The following ZZEF1 variants were observed in gnomAD, a reference collection of about 807,000 sequenced individuals.
ZZEF1 encodes zinc finger ZZ-type and EF-hand domain-containing protein 1.
In ZZEF1, 157 loss-of-function variants were observed where a neutral mutation model predicts 342.8. The observed-to-expected ratio is 0.46, with a 90% CI of 0.40 to 0.52. The LOEUF is 0.52. Ranked by LOEUF, ZZEF1 falls within the 20% of genes least tolerant of loss-of-function variation. ZZEF1 has a pLI of 0.00. For missense variants in ZZEF1, 3,480 were observed against 3,725.6 expected (o/e 0.93, Z 1.72); for synonymous variants, 1,505 against 1,429.1 (o/e 1.05, Z -1.20).
chr17:4,127,267 G>A (rs996363164), intron 1 of ZZEF1, among the ~76,000 whole-genome samples: 3 of 152,134 alleles, frequency 2.0e-5, no homozygotes, highest in Non-Finnish European at 2.9e-5. Context: ...GCCTCCCAAA[G>A]AGTTGAGATT....
At chr17:4,075,061 C>A in intron 23 of ZZEF1, 36 bp downstream of exon 23, 1 of 1,607,012 alleles carries the variant, frequency 6.2e-7, no homozygotes. Flanking sequence ...AGCATTGGTG[C>A]AGAAGTAGGT....
chr17:4,042,901 C>T (rs190382108), intron 38 of ZZEF1, among the ~76,000 whole-genome samples: 91 of 152,278 alleles, frequency 6.0e-4, no homozygotes, highest in Middle Eastern at 3.4e-3. Flanking sequence ...AGGCTGGTCT[C>T]GAACTCTTGA....
Position 4,085,656 on chromosome 17 carries a change from T to C in ZZEF1, c.2646+14A>G. On this transcript the variant is annotated intron_variant, in intron 16 of 54. Transcript: ENST00000381638. Reference sequence around the variant, plus strand: ...GACTTCAGACATTGAATCCAGACTTTTAGTAATAATTACCATCATGGTGAA... The same window carrying C: ...GACTTCAGACATTGAATCCAGACTTCTAGTAATAATTACCATCATGGTGAA... The C allele has an allele frequency of 1.2e-6, 2 of 1,613,352 alleles. No individual in the cohort carries two copies. Among genetic ancestry groups the C allele is most frequent in the Non-Finnish European group, 1.7e-6 (2 of 1,179,612 alleles).
At chr17:4,075,616 C>A (rs1213431617) in intron 21 of ZZEF1, among the ~76,000 whole-genome samples, 187 bp from the exon 22 acceptor site, 1 of 152,232 alleles carries the variant, frequency 6.6e-6, no homozygotes, top group East Asian at 1.9e-4. Flanking sequence ...GTCCACCACG[C>A]AGCCGAGGAG....
At chr17:4,025,151 C>A in intron 42 of ZZEF1, 33 bp from the exon 43 acceptor site, 1 of 1,599,468 alleles carries the variant, frequency 6.3e-7, no homozygotes, top group Non-Finnish European at 8.6e-7. Flanking sequence ...AAAAGAAAGG[C>A]ACAAAAGTAC....
At chr17:4,020,322 T>A (rs2056236366) in intron 45 of ZZEF1, among the ~76,000 whole-genome samples, 1 of 152,246 alleles carries the variant, frequency 6.6e-6, no homozygotes, top group Non-Finnish European at 1.5e-5. Context: ...CATCATTTTC[T>A]GTATTTTGCC....
intron 1 of ZZEF1, among the ~76,000 whole-genome samples, chr17:4,135,513 T>G (rs772577378): frequency 7.2e-5 from 11 of 152,054 alleles, no homozygotes; most frequent in Non-Finnish European, 1.3e-4. Context: ...GAATCCATTC[T>G]CCAGTGTCTC....
chr17:4,094,168 A>G (rs1241207303), intron 11 of ZZEF1, among the ~76,000 whole-genome samples: 1 of 151,984 alleles, frequency 6.6e-6, no homozygotes, highest in Non-Finnish European at 1.5e-5. Flanking sequence ...TTGAGGCAGG[A>G]TCTCACTCTG....
intron 6 of ZZEF1, 90 bp downstream of exon 6, chr17:4,109,563 T>G: frequency 7.1e-7 from 1 of 1,411,718 alleles, no homozygotes. Flanking sequence ...CAACGATCAA[T>G]GATGGAAGGC....
At position 4,085,896 on chromosome 17, in the gene ZZEF1, T is replaced by C; in HGVS notation, c.2513-93A>G. Reference sequence around the variant, plus strand: ...TAGCCTATAAATTCACTACTCTCCATTTTGTACTTAATACCAGAGTGAAGA... The same window carrying C: ...TAGCCTATAAATTCACTACTCTCCACTTTGTACTTAATACCAGAGTGAAGA... On this transcript the variant is annotated intron_variant, in intron 15 of 54. Transcript: ENST00000381638. The C allele has an allele frequency of 2.7e-6, 4 of 1,493,076 alleles. No individual in the cohort carries two copies. In the South Asian group the frequency reaches 4.9e-5, roughly 18 times the overall value. The allele number at this position is 1,493,076 out of a possible 1,614,324, so 92.5% of individuals were successfully genotyped here. A position where few individuals can be genotyped will look rare whatever the true frequency, so the allele number is the denominator to read the frequency against.
chr17:4,090,502 A>G (rs192528602), intron 12 of ZZEF1, among the ~76,000 whole-genome samples: 2 of 152,330 alleles, frequency 1.3e-5, no homozygotes, highest in East Asian at 1.9e-4. Context: ...TTCGAGTTAC[A>G]TATTTTTCCC....
At chr17:4,121,987 G>C (rs2058491116) in intron 2 of ZZEF1, among the ~76,000 whole-genome samples, 1 of 152,108 alleles carries the variant, frequency 6.6e-6, no homozygotes, top group African/African-American at 2.4e-5. Flanking sequence ...AAAGTGCTGA[G>C]ATTACAGGCA....
Position 4,017,580 on chromosome 17 carries a change from T to C in ZZEF1, c.7792A>G (p.Lys2598Glu). Residue 2598 changes from lysine (K) to glutamate (E), a missense_variant, in exon 48 of 55, where the codon AAG becomes GAG. Lys to Glu is a moderately conservative substitution (Grantham distance 56, BLOSUM62 1). Coordinates refer to ENST00000381638, the MANE Select transcript of ZZEF1 (RefSeq NM_015113.4). The surrounding 1 kb of genome is among the most constrained non-coding windows in gnomAD (Gnocchi z 5.1). ...TAGTCCCGGACAGCCCTCTTACTCTTGCAGTTCAGCTCCTTGTGCAGGAGG... is the reference window on the plus strand; with the variant it reads ...TAGTCCCGGACAGCCCTCTTACTCTCGCAGTTCAGCTCCTTGTGCAGGAGG... ...AALLHKELNC[K>E]SKRAVRDYLF... 6.2e-7 allele frequency: 1 copy of C among 1,614,242 alleles called. No homozygotes were observed. The highest frequency in any genetic ancestry group is 8.5e-7 in the Non-Finnish European group (1 of 1,180,038).
intron 42 of ZZEF1, among the ~76,000 whole-genome samples, chr17:4,026,492 A>G (rs2056406634): frequency 6.6e-6 from 1 of 152,042 alleles, no homozygotes; most frequent in East Asian, 1.9e-4. Context: ...TACACAAGCC[A>G]GAAGACAATA....
intron 16 of ZZEF1, among the ~76,000 whole-genome samples, chr17:4,084,232 CAT>C (rs1317740419): frequency 6.6e-6 from 1 of 152,044 alleles, no homozygotes; most frequent in African/African-American, 2.4e-5. Context: ...CTAATGAAAA[CAT>C]ATTGTTTCAT....
chr17:4,101,925 C>T (rs1242711430), intron 9 of ZZEF1, among the ~76,000 whole-genome samples: 2 of 151,952 alleles, frequency 1.3e-5, no homozygotes, highest in Non-Finnish European at 2.9e-5. Context: ...CCACTGCACC[C>T]GGCCTGGAAA....
At chr17:4,112,468 A>G in intron 5 of ZZEF1, 141 bp downstream of exon 5, 1 of 908,614 alleles carries the variant, frequency 1.1e-6, no homozygotes, top group South Asian at 1.5e-5. Flanking sequence ...TTTCTACAAC[A>G]CTTAATGAAT....
intron 39 of ZZEF1, among the ~76,000 whole-genome samples, chr17:4,034,768 G>C (rs775527116): frequency 1.3e-5 from 2 of 152,172 alleles, no homozygotes; most frequent in South Asian, 2.1e-4. Context: ...AGGCCAAGGC[G>C]GGAGAGTCAC....
At chr17:4,040,021 C>T (rs1334559189) in intron 39 of ZZEF1, among the ~76,000 whole-genome samples, 2 of 151,898 alleles carry the variant, frequency 1.3e-5, no homozygotes, top group Non-Finnish European at 2.9e-5. Context: ...TCTAATGAAA[C>T]GTCTGAATTC....
Sources: gnomAD v4.1 joint callset for allele counts (sites outside exome capture counted in the v4.1 genomes callset) on GRCh38, gnomAD v4.1.1 for gene constraint, Gnocchi (gnomAD v3.1) non-coding constraint, MANE v1.5 for transcripts, NCBI Gene and HGNC (gene_info 2026-07-23, HGNC 2026-07-21) for gene names.